The following TCF20 variants were observed in gnomAD, a reference collection of about 807,000 sequenced individuals.
TCF20 encodes the protein transcription factor 20, also known as SPRE-binding protein.
Under a neutral mutation model 148.6 loss-of-function variants are expected in TCF20, and 3 were observed. That is an observed-to-expected ratio of 0.02 (90% CI 0.01 to 0.05). TCF20 has a LOEUF of 0.05. Ranked by LOEUF, TCF20 falls within the 10% of genes least tolerant of loss-of-function variation. The pLI is 1.00. For synonymous variants in TCF20, 1,049 were observed against 909.5 expected (o/e 1.15, Z -2.76); for missense variants, 2,350 against 2,429.3 (o/e 0.97, Z 0.69).
Position 42,212,025 on chromosome 22 carries a change from G to A in TCF20, c.3281C>T (p.Pro1094Leu), listed in dbSNP as rs1366044274. 2 of 1,614,040 alleles carry A rather than the reference G, an allele frequency of 1.2e-6. No homozygotes were observed. Among genetic ancestry groups the A allele is most frequent in the East Asian group, 2.2e-5 (1 of 44,894 alleles). Residue 1094 changes from proline (P) to leucine (L), a missense_variant, in exon 2 of 6, where the codon CCA becomes CTA. Coordinates refer to ENST00000677622, the MANE Select transcript of TCF20 (RefSeq NM_001378418.1). Reference sequence around the variant, plus strand: ...GCTGCTCCAGTCTTTATACTCCTCTGGTTGCTGTTGGTACATCTGTCTCTT... The same window carrying A: ...GCTGCTCCAGTCTTTATACTCCTCTAGTTGCTGTTGGTACATCTGTCTCTT... The part of the protein sequence containing the change: ...HYKRQMYQQQ[P>L]EEYKDWSSGS...
intron 3 of TCF20, among the ~76,000 whole-genome samples, chr22:42,178,055 A>T (rs1936549967): frequency 1.3e-5 from 2 of 152,098 alleles, no homozygotes; most frequent in African/African-American, 2.4e-5. Flanking sequence ...TACATGATGA[A>T]GCCTCCAAAA....
At chr22:42,164,212 C>CTTTTTTTTTTTT (rs56079117) in intron 5 of TCF20, among the ~76,000 whole-genome samples, 4 of 83,556 alleles carry the variant, frequency 4.8e-5, no homozygotes, top group African/African-American at 1.9e-4. Flanking sequence ...TCATTTCTTT[C>CTTTTTTTTTTTT]TTTTTTTTTT....
At chr22:42,244,352 T>G (rs1007550042) in intron 1 of TCF20, among the ~76,000 whole-genome samples, 2 of 152,162 alleles carry the variant, frequency 1.3e-5, no homozygotes, top group Non-Finnish European at 2.9e-5. Flanking sequence ...ATAGCAGCAC[T>G]ATTCAAAATA....
chr22:42,237,429 G>A (rs1248582370), intron 1 of TCF20, among the ~76,000 whole-genome samples: 1 of 152,206 alleles, frequency 6.6e-6, no homozygotes, highest in African/African-American at 2.4e-5. Flanking sequence ...CACATCTGCA[G>A]TTCCTGCCTC....
At chr22:42,235,546 G>T (rs968680704) in intron 1 of TCF20, among the ~76,000 whole-genome samples, 3 of 152,204 alleles carry the variant, frequency 2.0e-5, no homozygotes, top group Admixed American at 2.0e-4. Flanking sequence ...TTTTATTTTA[G>T]TAAGCGAAGT....
Position 42,295,404 on chromosome 22 carries a change from C to T in TCF20, c.-37+48075G>A, listed in dbSNP as rs539943159. 1.8e-3 allele frequency among the ~76,000 whole-genome samples: 278 copies of T among 152,078 alleles called. 1 individual carries two copies. The highest frequency in any genetic ancestry group is 2.5e-3 in the Non-Finnish European group (173 of 67,946). ...GCCTTGGGGCCTCTGCCCTGGCTGT[C>T]CCCCTCCCTGAGATGCTCCTCCCTT... is the stretch of plus-strand genomic sequence containing the variant. On this transcript the variant is annotated intron_variant, in intron 1 of 1. Coordinates refer to the TCF20 transcript ENST00000515426.
chr22:42,252,298 A>T (rs1434915625), intron 1 of TCF20, among the ~76,000 whole-genome samples: 5 of 151,848 alleles, frequency 3.3e-5, no homozygotes, highest in African/African-American at 1.2e-4. Context: ...AAAAAAGAAA[A>T]AAATAAAAAA....
At chr22:42,320,907 C>T (rs952067102) in intron 1 of TCF20, among the ~76,000 whole-genome samples, 1 of 152,202 alleles carries the variant, frequency 6.6e-6, no homozygotes, top group Non-Finnish European at 1.5e-5. Context: ...CAGCAACCAG[C>T]GCCAGGCACA....
intron 1 of TCF20, among the ~76,000 whole-genome samples, chr22:42,281,461 C>T (rs1266387686): frequency 3.3e-5 from 5 of 152,194 alleles, no homozygotes; most frequent in Admixed American, 6.5e-5. Flanking sequence ...CCACTGTCGC[C>T]GCCTCTCCCC....
intron 1 of TCF20, chr22:42,276,883 G>C (rs369154903): frequency 2.0e-5 from 3 of 152,150 alleles, no homozygotes; most frequent in South Asian, 2.1e-4. Flanking sequence ...ACTGGTCCTC[G>C]ACTGGAGCCA....
Position 42,179,723 on chromosome 22 carries a change from A to G in TCF20, c.5656-21T>C, listed in dbSNP as rs761680423. The G allele has an allele frequency of 1.9e-6, 3 of 1,570,376 alleles. No individual in the cohort carries two copies. The South Asian group carries it at 3.3e-5, about 17-fold the overall frequency. On this transcript the variant is annotated intron_variant, in intron 2 of 5. Transcript: ENST00000677622. ...CATTTCTGAAAGGAAGGGAAAAGTCAGGCATGTCAGTATCCCAGATTTGGC... is the reference window on the plus strand; with the variant it reads ...CATTTCTGAAAGGAAGGGAAAAGTCGGGCATGTCAGTATCCCAGATTTGGC...
At chr22:42,313,285 T>C (rs1022419442) in intron 1 of TCF20, among the ~76,000 whole-genome samples, 8 of 152,178 alleles carry the variant, frequency 5.3e-5, no homozygotes, top group African/African-American at 1.9e-4. Context: ...CCCCATAGCA[T>C]GGACAAGGCG....
In TCF20 at chr22:42,297,942, G is replaced by A. The variant is rs376168410; in HGVS notation, c.-37+45537C>T. Among the ~76,000 whole-genome samples, 1 of 152,176 alleles carries A rather than the reference G, an allele frequency of 6.6e-6. No homozygotes were observed. Among genetic ancestry groups the A allele is most frequent in the Non-Finnish European group, 1.5e-5 (1 of 68,020 alleles). On this transcript the variant is annotated intron_variant, in intron 1 of 1. Transcript: ENST00000515426. This position sits in a 1 kb window ranked among gnomAD's most constrained non-coding sequence, Gnocchi z 4.3. ...ATGTGCTGGTTTCAGGGCTGGGCCT[G>A]GGGGTGCAAAGGTGACCGCTCAGCC...
In TCF20 at chr22:42,338,836, C is replaced by T. The variant is rs949500929; in HGVS notation, c.-37+4643G>A. On this transcript the variant is annotated intron_variant, in intron 1 of 1. Coordinates refer to the TCF20 transcript ENST00000515426. The surrounding 1 kb of genome is among the most constrained non-coding windows in gnomAD (Gnocchi z 4.0). Reference sequence around the variant, plus strand: ...TCTCGTATTAAATTGGGCTGGAGTCCCTTCAGATGCATTATAAATATAAAG... The same window carrying T: ...TCTCGTATTAAATTGGGCTGGAGTCTCTTCAGATGCATTATAAATATAAAG... Among the ~76,000 whole-genome samples, 3 of 152,026 alleles carry T rather than the reference C, an allele frequency of 2.0e-5. No individual in the cohort carries two copies. Among genetic ancestry groups the T allele is most frequent in the Admixed American group, 1.3e-4 (2 of 15,274 alleles).
At chr22:42,178,384 G>T (rs531457774) in intron 3 of TCF20, among the ~76,000 whole-genome samples, 5 of 152,010 alleles carry the variant, frequency 3.3e-5, no homozygotes, top group Non-Finnish European at 7.4e-5. Flanking sequence ...AGTGGGGAGC[G>T]GTCTTGTGGG....
chr22:42,331,784 A>G (rs1330422842), intron 1 of TCF20, among the ~76,000 whole-genome samples: 1 of 152,260 alleles, frequency 6.6e-6, no homozygotes, highest in Non-Finnish European at 1.5e-5. Flanking sequence ...AAGCCAGCCC[A>G]CTTGCCTTAC....
At chr22:42,303,273 T>C (rs1001392576) in intron 1 of TCF20, among the ~76,000 whole-genome samples, 1 of 152,220 alleles carries the variant, frequency 6.6e-6, no homozygotes, top group African/African-American at 2.4e-5. Flanking sequence ...GGTTCTGCCA[T>C]GCATCATCTT....
chr22:42,180,788 G>A (rs960697049), intron 2 of TCF20, among the ~76,000 whole-genome samples: 13 of 152,122 alleles, frequency 8.5e-5, no homozygotes, highest in African/African-American at 1.2e-4. Flanking sequence ...AATGCTTCAC[G>A]TGAAACTCTT....
intron 1 of TCF20, among the ~76,000 whole-genome samples, chr22:42,254,917 A>G (rs1254373822): frequency 1.5e-5 from 2 of 134,352 alleles, no homozygotes; most frequent in African/African-American, 2.8e-5. Context: ...AAGAGATGGC[A>G]CCACTGCACT....
Sources: gnomAD v4.1 joint callset for allele counts (sites outside exome capture counted in the v4.1 genomes callset) on GRCh38, gnomAD v4.1.1 for gene constraint, Gnocchi (gnomAD v3.1) non-coding constraint, MANE v1.5 for transcripts, NCBI Gene and HGNC (gene_info 2026-07-23, HGNC 2026-07-21) for gene names.